The following CLASP1 variants were observed in gnomAD, a reference collection of about 807,000 sequenced individuals.
The protein encoded by CLASP1 is CLIP-associating protein 1.
In CLASP1, 38 loss-of-function variants were observed where a neutral mutation model predicts 192.3. The observed-to-expected ratio is 0.20, with a 90% CI of 0.15 to 0.26. The LOEUF is 0.26. CLASP1 is among the 10% of genes least tolerant of loss of function. The probability of loss-of-function intolerance (pLI) is 1.00; values close to 1 mark genes in which losing one functional copy is unlikely to be tolerated. For missense variants in CLASP1, 1,433 were observed against 1,932.5 expected (o/e 0.74, Z 4.85); for synonymous variants, 691 against 712.8 (o/e 0.97, Z 0.49).
chr2:121,492,674 T>TAAAAAAA (rs200482614), intron 8 of CLASP1, among the ~76,000 whole-genome samples: 3 of 123,854 alleles, frequency 2.4e-5, no homozygotes, highest in Non-Finnish European at 1.9e-5. Flanking sequence ...TTAAAAAAAA[T>TAAAAAAA]AAAAAAAAAA....
At chr2:121,407,898 A>G (rs369134115) in intron 24 of CLASP1, 183 bp from the exon 26 acceptor site, 26 of 789,414 alleles carry the variant, frequency 3.3e-5, no homozygotes, top group Non-Finnish European at 5.1e-5. Context: ...TCCATTAGGT[A>G]AATAAGCAAA....
At chr2:121,376,695 G>C (rs72967321) in intron 34 of CLASP1, among the ~76,000 whole-genome samples, 5,868 of 152,230 alleles carry the variant, frequency 0.039, 156 homozygotes, top group East Asian at 0.14. Context: ...GTGAGCAGTG[G>C]GCAAGTGAGT....
chr2:121,366,348 C>T (rs2067402666), intron 35 of CLASP1, among the ~76,000 whole-genome samples: 1 of 152,236 alleles, frequency 6.6e-6, no homozygotes, highest in Non-Finnish European at 1.5e-5. Flanking sequence ...TGGGCAGAGT[C>T]TGAGATGCTA....
intron 2 of CLASP1, among the ~76,000 whole-genome samples, chr2:121,532,160 A>C (rs1462586930): frequency 6.6e-6 from 1 of 152,244 alleles, no homozygotes; most frequent in Non-Finnish European, 1.5e-5. Flanking sequence ...AACTGAAGGA[A>C]TCTAAATTGG....
At chr2:121,374,483 G>C (rs2069523749) in intron 34 of CLASP1, among the ~76,000 whole-genome samples, 1 of 152,224 alleles carries the variant, frequency 6.6e-6, no homozygotes, top group Non-Finnish European at 1.5e-5. Context: ...AGAGCAGTGA[G>C]AAGAAGGCCA....
At position 121,435,378 on chromosome 2, in the gene CLASP1, G is replaced by C. The variant is rs549259154; in HGVS notation, c.1913-5201C>G. ...CAACCTCTGTGTCCCGGGTTCAAGTGATTCTCCTGCCTCAGCCTCCCGAGT... is the reference window on the plus strand; with the variant it reads ...CAACCTCTGTGTCCCGGGTTCAAGTCATTCTCCTGCCTCAGCCTCCCGAGT... On this transcript the variant is annotated intron_variant, in intron 19 of 39. Coordinates refer to ENST00000263710, the Ensembl canonical transcript of CLASP1. Among the ~76,000 whole-genome samples, 22 of 152,244 alleles carry C rather than the reference G, an allele frequency of 1.4e-4. No individual in the cohort carries two copies. In the East Asian group the frequency reaches 4.1e-3, roughly 28 times the overall value.
intron 29 of CLASP1, among the ~76,000 whole-genome samples, chr2:121,397,493 C>T (rs2075482708): frequency 1.3e-5 from 2 of 152,162 alleles, no homozygotes; most frequent in Non-Finnish European, 2.9e-5. Context: ...AGGCACATGG[C>T]TCAGTTTTCT....
chr2:121,431,808 A>AT (rs1315899224), intron 19 of CLASP1, among the ~76,000 whole-genome samples: 3 of 149,708 alleles, frequency 2.0e-5, no homozygotes, highest in Non-Finnish European at 4.4e-5. Flanking sequence ...TTTGTTTTAC[A>AT]TATTTAGAAC....
intron 2 of CLASP1, among the ~76,000 whole-genome samples, chr2:121,562,335 G>C (rs1283872478): frequency 1.3e-5 from 2 of 152,168 alleles, no homozygotes; most frequent in African/African-American, 4.8e-5. Flanking sequence ...CAGAGGACTT[G>C]GGGAACTGAC....
At chr2:121,492,206 G>A (rs1031012330) in intron 8 of CLASP1, among the ~76,000 whole-genome samples, 4 of 151,754 alleles carry the variant, frequency 2.6e-5, no homozygotes, top group African/African-American at 4.8e-5. Flanking sequence ...TGGATAATAC[G>A]GTGAAATCCC....
chr2:121,347,179 A>G, intron 38 of CLASP1, 25 bp from the exon 40 acceptor site: 1 of 1,444,802 alleles, frequency 6.9e-7, no homozygotes, highest in Non-Finnish European at 9.5e-7. Context: ...GGGAACACGA[A>G]AAGGAAACCA....
intron 2 of CLASP1, among the ~76,000 whole-genome samples, chr2:121,593,939 C>T (rs1468464518): frequency 6.6e-6 from 1 of 151,498 alleles, no homozygotes; most frequent in Non-Finnish European, 1.5e-5. Context: ...ACCCGGGAGG[C>T]GGAGGTTGCG....
At chr2:121,439,982 T>TAG (rs1237927774) in intron 19 of CLASP1, among the ~76,000 whole-genome samples, 1 of 146,540 alleles carries the variant, frequency 6.8e-6, no homozygotes, top group Non-Finnish European at 1.5e-5. Context: ...TACCTAATGC[T>TAG]AGATGACGAG....
intron 2 of CLASP1, among the ~76,000 whole-genome samples, chr2:121,531,635 C>G (rs1288771167): frequency 6.7e-6 from 1 of 148,692 alleles, no homozygotes; most frequent in Non-Finnish European, 1.5e-5. Flanking sequence ...TTGGGGAGGC[C>G]GAGGCGGGCG....
At chr2:121,358,788 A>G (rs1423937604) in intron 37 of CLASP1, among the ~76,000 whole-genome samples, 1 of 152,260 alleles carries the variant, frequency 6.6e-6, no homozygotes, top group Non-Finnish European at 1.5e-5. Flanking sequence ...TCTAAGAATC[A>G]AACTTCCCAA....
intron 14 of CLASP1, among the ~76,000 whole-genome samples, chr2:121,456,793 A>G (rs1264765464): frequency 1.3e-5 from 2 of 152,190 alleles, no homozygotes; most frequent in Non-Finnish European, 2.9e-5. Context: ...CTAAATCTTA[A>G]GAGTGAAGGA....
intron 2 of CLASP1, among the ~76,000 whole-genome samples, chr2:121,549,479 CA>C (rs1233701689): frequency 6.6e-6 from 1 of 152,012 alleles, no homozygotes; most frequent in African/African-American, 2.4e-5. Context: ...TACACTCCCA[CA>C]AAATAATACT....
At chr2:121,343,107 T>C (rs925975493) in intron 39 of CLASP1, among the ~76,000 whole-genome samples, 4 of 152,212 alleles carry the variant, frequency 2.6e-5, no homozygotes, top group South Asian at 2.1e-4. Flanking sequence ...AAGGATCATC[T>C]TTTTAACAGA....
intron 5 of CLASP1, among the ~76,000 whole-genome samples, chr2:121,526,470 C>T (rs1297082249): frequency 3.9e-5 from 6 of 152,180 alleles, no homozygotes; most frequent in Non-Finnish European, 8.8e-5. Flanking sequence ...TGACAAATAG[C>T]CTTTGTGAAT....
Sources: gnomAD v4.1 joint callset for allele counts (sites outside exome capture counted in the v4.1 genomes callset) on GRCh38, gnomAD v4.1.1 for gene constraint, MANE v1.5 for transcripts, NCBI Gene and HGNC (gene_info 2026-07-23, HGNC 2026-07-21) for gene names.